The following SYNJ1 variants were observed in gnomAD, a reference collection of about 807,000 sequenced individuals.
SYNJ1 encodes synaptojanin 1, also known as polyphosphatidylinositol phosphatase SYNJ1.
A neutral mutation model predicts 168.2 loss-of-function variants in SYNJ1; 78 were observed. The ratio of observed to expected loss-of-function variants is 0.46; its 90% CI spans 0.39 to 0.56. The LOEUF is 0.56. Among genes scored for constraint, SYNJ1 ranks in the 20% least tolerant of loss-of-function variants. The pLI is 0.00. For synonymous variants in SYNJ1, 539 were observed against 548.6 expected, an observed-to-expected ratio of 0.98 and a Z score of 0.24; for missense variants, 1,303 against 1,597.6, an observed-to-expected ratio of 0.82 and a Z score of 3.14.
intron 26 of SYNJ1, 45 bp from the exon 27 acceptor site, chr21:32,643,502 A>G (rs143824168): frequency 2.5e-4 from 399 of 1,587,880 alleles, no homozygotes; most frequent in Non-Finnish European, 3.2e-4. Context: ...CAGGGCCCAC[A>G]GCACAGAATG....
At chr21:32,657,562 T>C (rs1157574253) in intron 19 of SYNJ1, among the ~76,000 whole-genome samples, 154 bp downstream of exon 19, 1 of 152,262 alleles carries the variant, frequency 6.6e-6, no homozygotes, top group Non-Finnish European at 1.5e-5. Context: ...ACAGATCTGA[T>C]ATTTCTAAAA....
chr21:32,720,291 A>G (rs1225446148), intron 2 of SYNJ1, among the ~76,000 whole-genome samples: 1 of 152,214 alleles, frequency 6.6e-6, no homozygotes, highest in Non-Finnish European at 1.5e-5. Context: ...TAAGGTCACC[A>G]TAAAACAATG....
At chr21:32,672,186 G>T (rs1435317990) in intron 14 of SYNJ1, among the ~76,000 whole-genome samples, 4 of 147,706 alleles carry the variant, frequency 2.7e-5, no homozygotes, top group Non-Finnish European at 4.5e-5. Flanking sequence ...AACTAAAAAA[G>T]AAAAATTTTA....
chr21:32,684,004 T>C (rs1403192434), intron 10 of SYNJ1, 34 bp downstream of exon 10: 3 of 1,584,016 alleles, frequency 1.9e-6, no homozygotes, highest in African/African-American at 1.3e-5. Context: ...AGGCAGATGA[T>C]ACAAGGCACA....
chr21:32,718,375 C>A (rs191498676), intron 2 of SYNJ1, among the ~76,000 whole-genome samples: 5 of 152,272 alleles, frequency 3.3e-5, no homozygotes, highest in African/African-American at 1.2e-4. Flanking sequence ...AAAGAGTTGA[C>A]ATTTAAGTTA....
At chr21:32,634,715 C>T in intron 32 of SYNJ1, 146 bp downstream of exon 32, 1 of 713,862 alleles carries the variant, frequency 1.4e-6, no homozygotes, top group East Asian at 3.1e-5. Context: ...AAAGAAAAAG[C>T]AGGTTTTATG....
chr21:32,717,003 A>C (rs1055670241), intron 2 of SYNJ1, among the ~76,000 whole-genome samples: 2 of 151,502 alleles, frequency 1.3e-5, no homozygotes, highest in African/African-American at 4.9e-5. Context: ...TCTGTTGCCC[A>C]GACTGGAATG....
intron 2 of SYNJ1, among the ~76,000 whole-genome samples, chr21:32,715,507 T>C (rs201519884): frequency 6.6e-6 from 1 of 152,012 alleles, no homozygotes; most frequent in East Asian, 1.9e-4. Context: ...GAAGATTCAT[T>C]CTACTTATAG....
intron 18 of SYNJ1, among the ~76,000 whole-genome samples, chr21:32,664,356 A>G (rs2040836811): frequency 6.6e-6 from 1 of 152,164 alleles, no homozygotes; most frequent in Non-Finnish European, 1.5e-5. Context: ...TCTGCCTCCA[A>G]AGAAAGAAGT....
chr21:32,657,058 T>C lies in SYNJ1; in HGVS notation c.2524A>G (p.Thr842Ala), dbSNP rs779943757. Reference sequence around the variant, plus strand: ...CCATAGTGCAGCAAAGTGCCTGGAGTCCACGTGTACAGAATTTTGCTTTCA... The same window carrying C: ...CCATAGTGCAGCAAAGTGCCTGGAGCCCACGTGTACAGAATTTTGCTTTCA... ...QDESKILYTW[T>A]PGTLLHYGRA... Residue 842 changes from threonine (T) to alanine (A), a missense_variant, in exon 20 of 33, where the codon ACT (threonine) becomes GCT (alanine). Transcript: ENST00000674351. The C allele has an allele frequency of 8.5e-5, 137 of 1,613,908 alleles. No individual in the cohort carries two copies. Among genetic ancestry groups the C allele is most frequent in the Non-Finnish European group, 1.1e-4 (134 of 1,180,026 alleles).
chr21:32,709,438 C>CACA lies in SYNJ1; in HGVS notation c.125-7392_125-7391insTGT, dbSNP rs1454572164. ...GTAGTAGTGAGCCAAGATCACACCACCGCCTTTCCACCCTGGGCGACACAG... is the reference window on the plus strand; with the variant it reads ...GTAGTAGTGAGCCAAGATCACACCACACACGCCTTTCCACCCTGGGCGACACAG... On this transcript the variant is annotated intron_variant, in intron 2 of 32. Coordinates refer to ENST00000674351, the MANE Select transcript of SYNJ1 (RefSeq NM_203446.3). Among the ~76,000 whole-genome samples the CACA allele has an allele frequency of 2.1e-5, 3 of 143,052 alleles. No individual in the cohort carries two copies. The Admixed American group carries it at 2.2e-4, about 10-fold the overall frequency. The allele number at this position is 143,052 out of a possible 152,430, so 93.8% of individuals were successfully genotyped here. A position where few individuals can be genotyped will look rare whatever the true frequency, so the allele number is the denominator to read the frequency against.
chr21:32,634,124 C>G (rs1352443114), intron 32 of SYNJ1, among the ~76,000 whole-genome samples: 2 of 152,172 alleles, frequency 1.3e-5, no homozygotes, highest in South Asian at 4.1e-4. Flanking sequence ...CAGCTTAGAA[C>G]AGAAGTCACC....
intron 32 of SYNJ1, among the ~76,000 whole-genome samples, chr21:32,633,095 C>T (rs2039414372): frequency 6.6e-6 from 1 of 152,138 alleles, no homozygotes; most frequent in African/African-American, 2.4e-5. Context: ...TAAAAATATT[C>T]CAAAACAGAT....
At chr21:32,707,090 T>C (rs1420272755) in intron 2 of SYNJ1, among the ~76,000 whole-genome samples, 2 of 152,080 alleles carry the variant, frequency 1.3e-5, no homozygotes, top group Non-Finnish European at 2.9e-5. Flanking sequence ...CATACTGTTG[T>C]TTCATCTGGA....
Position 32,666,467 on chromosome 21 carries a change from C to T in SYNJ1, c.1918G>A (p.Val640Ile). 1 of 1,613,864 alleles carries T rather than the reference C, an allele frequency of 6.2e-7. No homozygotes were observed. ...GGAGCATGCTGTGGTCTGATAAAAA[C>T]AAACAAACAGACGCCCACCAACTGT... is the stretch of plus-strand genomic sequence containing the variant. The part of the protein sequence containing the change: ...SEQLVGVCLF[V>I]FIRPQHAPFI... Residue 640 changes from valine (V) to isoleucine (I), a missense_variant, in exon 16 of 33, where the codon GTT becomes ATT. Physicochemically the swap from Val to Ile is conservative, Grantham distance 29. Around this residue, in one of 2 missense-constraint regions of SYNJ1, gnomAD observed 920 missense variants for 1,208.8 expected, o/e 0.76. Coordinates refer to ENST00000674351, the MANE Select transcript of SYNJ1 (RefSeq NM_203446.3).
upstream of SYNJ1, chr21:32,728,239 G>A (rs1200075748): frequency 3.3e-6 from 2 of 601,800 alleles, no homozygotes; most frequent in Non-Finnish European, 5.6e-6. Context: ...TGCAGGGAGA[G>A]GGAAGATCTG....
chr21:32,708,650 C>A (rs1335691414), intron 2 of SYNJ1, among the ~76,000 whole-genome samples: 1 of 152,164 alleles, frequency 6.6e-6, no homozygotes, highest in Non-Finnish European at 1.5e-5. Flanking sequence ...TGCTATAACA[C>A]CTCAGGAATA....
At chr21:32,684,338 TTATC>T (rs1018402919) in intron 9 of SYNJ1, among the ~76,000 whole-genome samples, 3 of 152,200 alleles carry the variant, frequency 2.0e-5, no homozygotes, top group Non-Finnish European at 4.4e-5. Flanking sequence ...CTTCATTACA[TTATC>T]TATCACACAC....
At chr21:32,651,920 T>C (rs1237206514) in intron 22 of SYNJ1, among the ~76,000 whole-genome samples, 1 of 152,180 alleles carries the variant, frequency 6.6e-6, no homozygotes, top group Non-Finnish European at 1.5e-5. Context: ...AGTAAGAAAA[T>C]AGCTTTATAA....
Sources: allele counts gnomAD v4.1 joint callset (sites outside exome capture counted in the v4.1 genomes callset), GRCh38; gene constraint gnomAD v4.1.1; regional missense constraint gnomAD v4.1.1; transcripts MANE v1.5; gene names NCBI Gene and HGNC (gene_info 2026-07-23, HGNC 2026-07-21).